Variants in GPNMB observed in about 807,000 individuals in gnomAD.
GPNMB encodes the protein glycoprotein nmb, also known as transmembrane glycoprotein NMB.
Under a neutral mutation model 57.3 loss-of-function variants are expected in GPNMB, and 71 were observed. That is an observed-to-expected ratio of 1.24 (90% confidence interval 1.02 to 1.51). The LOEUF (loss-of-function observed/expected upper bound fraction) is 1.51, where lower values mean the gene tolerates loss of function less well. Among genes scored for constraint, GPNMB ranks in the 40% most tolerant of loss-of-function variants. The pLI is 0.00. For synonymous variants in GPNMB, 253 were observed against 263.2 expected, an observed-to-expected ratio of 0.96 and a Z score of 0.38; for missense variants, 677 against 691.9, an observed-to-expected ratio of 0.98 and a Z score of 0.24.
chr7:23,268,821 G>C (rs1331549026), intron 8 of GPNMB, among the ~76,000 whole-genome samples: 1 of 152,188 alleles, frequency 6.6e-6, no homozygotes, highest in Admixed American at 6.5e-5. Flanking sequence ...GCTGCTGCGA[G>C]AGGCCTGGCT....
rs1407112036 is a variant in GPNMB, at chr7:23,274,968, C to T, written c.*744C>T. On this transcript the variant is annotated 3_prime_UTR_variant, in exon 11 of 11. Coordinates refer to ENST00000258733, the MANE Select transcript of GPNMB (RefSeq NM_002510.3). Reference sequence around the variant, plus strand: ...TTTGAAATCATATATTAAGACTTTCCAAAGATGAGGTCCCTGGTTTTTCAT... The same window carrying T: ...TTTGAAATCATATATTAAGACTTTCTAAAGATGAGGTCCCTGGTTTTTCAT... The T allele has an allele frequency of 4.6e-5, 7 of 151,830 alleles. No individual in the cohort carries two copies. 9.4% of individuals were successfully genotyped at this position (151,830 alleles called of 1,614,324 possible).
intron 1 of GPNMB, chr7:23,247,792 C>T (rs1425873678): frequency 1.3e-5 from 2 of 152,288 alleles, no homozygotes; most frequent in African/African-American, 2.4e-5. Flanking sequence ...CGACTGCGAC[C>T]CGGGAAAACG....
intron 1 of GPNMB, among the ~76,000 whole-genome samples, chr7:23,248,651 C>T (rs892484957): frequency 1.3e-5 from 2 of 152,152 alleles, no homozygotes; most frequent in Non-Finnish European, 2.9e-5. Context: ...AGCAAGGATG[C>T]CAAAGTGTGG....
Position 23,253,513 on chromosome 7 carries a change from TG to T in GPNMB, c.223+55del, listed in dbSNP as rs572130500. 1.4e-4 allele frequency: 211 copies of T among 1,474,530 alleles called. No individual in the cohort carries two copies. In the African/African-American group the frequency reaches 2.5e-3, roughly 18 times the overall value. 91.3% of individuals were successfully genotyped at this position (1,474,530 alleles called of 1,614,324 possible). The stretch of plus-strand genomic sequence containing the variant: ...TGCAATTTCCTACTTCAGTAAGTCT[TG>T]TAGATGGTAAAGCCTTTTAGATCAC... On this transcript the variant is annotated intron_variant, in intron 2 of 10. Coordinates refer to ENST00000258733, the MANE Select transcript of GPNMB (RefSeq NM_002510.3).
intron 1 of GPNMB, among the ~76,000 whole-genome samples, chr7:23,249,517 A>C (rs75574164): frequency 0.04 from 6,095 of 152,254 alleles, 354 homozygotes; most frequent in East Asian, 0.12. Flanking sequence ...ATCATTTTGT[A>C]ATTTCCAAAA....
At chr7:23,251,640 C>T (rs1782664220) in intron 1 of GPNMB, among the ~76,000 whole-genome samples, 1 of 152,180 alleles carries the variant, frequency 6.6e-6, no homozygotes, top group South Asian at 2.1e-4. Context: ...ATATGGCTGC[C>T]ATAGCTCTGG....
intron 9 of GPNMB, among the ~76,000 whole-genome samples, chr7:23,270,474 T>C (rs1783175950): frequency 6.6e-6 from 1 of 152,098 alleles, no homozygotes; most frequent in African/African-American, 2.4e-5. Flanking sequence ...TTGAATAGAT[T>C]TGTATTTCAA....
chr7:23,247,137 A>G (rs1380855784), intron 1 of GPNMB: 1 of 577,772 alleles, frequency 1.7e-6, no homozygotes, highest in Non-Finnish European at 3.1e-6. Flanking sequence ...GGCTCATGGA[A>G]AGTAAAAACT....
chr7:23,258,885 C>A (rs1042107413), intron 4 of GPNMB, among the ~76,000 whole-genome samples: 5 of 152,248 alleles, frequency 3.3e-5, no homozygotes, highest in African/African-American at 1.2e-4. Context: ...GGTCTTGAAA[C>A]AACCCGGTCT....
chr7:23,268,071 C>A lies in GPNMB; in HGVS notation c.1220+83C>A, dbSNP rs1273829137. On this transcript the variant is annotated intron_variant, in intron 8 of 10. Coordinates refer to ENST00000258733, the MANE Select transcript of GPNMB (RefSeq NM_002510.3). ...AACAAAGGCATTGACCACCAGTTAC[C>A]CCTTTTAAGTTGATTTGAATTCCTA... 3.1e-5 allele frequency: 25 copies of A among 815,544 alleles called. No individual in the cohort carries two copies. In the South Asian group the frequency reaches 3.3e-4, roughly 11 times the overall value. 50.5% of individuals were successfully genotyped at this position (815,544 alleles called of 1,614,324 possible).
At chr7:23,260,819 C>T (rs1489703763) in intron 6 of GPNMB, 46 bp downstream of exon 6, 1 of 1,356,956 alleles carries the variant, frequency 7.4e-7, no homozygotes, top group Admixed American at 2.4e-5. Context: ...TAATGGCTAA[C>T]AAAATATTCA....
intron 3 of GPNMB, among the ~76,000 whole-genome samples, chr7:23,255,387 A>G (rs865955679): frequency 2.0e-5 from 3 of 152,340 alleles, no homozygotes; most frequent in African/African-American, 7.2e-5. Flanking sequence ...ATGTTGCTGC[A>G]AACGATGGGA....
At chr7:23,262,181 G>C (rs1782941960) in intron 6 of GPNMB, among the ~76,000 whole-genome samples, 1 of 152,176 alleles carries the variant, frequency 6.6e-6, no homozygotes, top group Admixed American at 6.5e-5. Flanking sequence ...GCATATCTAA[G>C]TCAAGACAAC....
intron 6 of GPNMB, 40 bp downstream of exon 6, chr7:23,260,813 G>A (rs770429210): frequency 7.1e-7 from 1 of 1,411,506 alleles, no homozygotes; most frequent in East Asian, 2.3e-5. Flanking sequence ...GCTCCTTAAT[G>A]GCTAACAAAA....
intron 8 of GPNMB, 72 bp from the exon 9 acceptor site, chr7:23,269,895 T>C: frequency 1.0e-6 from 1 of 963,668 alleles, no homozygotes; most frequent in South Asian, 1.4e-5. Flanking sequence ...TTTCCCTTTG[T>C]AAAATGGATC....
In GPNMB at chr7:23,254,198, G is replaced by A; in HGVS notation, c.253G>A (p.Asp85Asn). 4 of 1,614,034 alleles carry A rather than the reference G, an allele frequency of 2.5e-6. No homozygotes were observed. The highest frequency in any genetic ancestry group is 3.4e-6 in the Non-Finnish European group (4 of 1,179,974). The change falls in exon 3 of 11, where the codon GAC (aspartate) becomes AAC (asparagine). Residue 85 changes from aspartate (D) to asparagine (N), a missense_variant. Transcript: ENST00000258733. ...GGRVQAVLTSDSPALVGSNIT... is the reference protein window; with the variant it reads ...GGRVQAVLTSNSPALVGSNIT... ...CCGTGTGCAGGCGGTCCTGACCAGTGACTCACCAGCCCTCGTGGGCTCAAA... is the reference window on the plus strand; with the variant it reads ...CCGTGTGCAGGCGGTCCTGACCAGTAACTCACCAGCCCTCGTGGGCTCAAA...
chr7:23,262,131 A>G (rs1004826453), intron 6 of GPNMB, among the ~76,000 whole-genome samples: 4 of 152,242 alleles, frequency 2.6e-5, no homozygotes, highest in Admixed American at 2.6e-4. Context: ...AAAGTTTTAC[A>G]ATAAGATGTT....
chr7:23,261,950 C>G (rs1782935029), intron 6 of GPNMB, among the ~76,000 whole-genome samples: 1 of 152,112 alleles, frequency 6.6e-6, no homozygotes, highest in Non-Finnish European at 1.5e-5. Flanking sequence ...ATGCCATCAC[C>G]ACCCTTTTCC....
chr7:23,252,860 A>G (rs1782690571), intron 1 of GPNMB, among the ~76,000 whole-genome samples: 1 of 152,232 alleles, frequency 6.6e-6, no homozygotes, highest in Non-Finnish European at 1.5e-5. Flanking sequence ...GCTGTTTATC[A>G]GTAAACTTCC....
Sources: allele counts gnomAD v4.1 joint callset (sites outside exome capture counted in the v4.1 genomes callset), GRCh38; gene constraint gnomAD v4.1.1; transcripts MANE v1.5; gene names NCBI Gene and HGNC (gene_info 2026-07-23, HGNC 2026-07-21).